SOCS6: variants seen among roughly 807,000 people sequenced by gnomAD.
The protein encoded by SOCS6 is STAT induced STAT inhibitor-4.
Under a neutral mutation model 27.7 loss-of-function variants are expected in SOCS6, and 5 were observed. The observed-to-expected ratio is 0.18, with a 90% CI of 0.09 to 0.38. The LOEUF is 0.38. SOCS6 is among the 10% of genes least tolerant of loss of function. The probability of loss-of-function intolerance (pLI) is 1.00; values close to 1 mark genes in which losing one functional copy is unlikely to be tolerated. For synonymous variants in SOCS6, 271 were observed against 260.0 expected, an observed-to-expected ratio of 1.04 and a Z score of -0.41; for missense variants, 595 against 688.1, an observed-to-expected ratio of 0.86 and a Z score of 1.51.
chr18:70,319,578 A>G, intron 1 of SOCS6, among the ~76,000 whole-genome samples: 1 of 145,346 alleles, frequency 6.9e-6, no homozygotes, highest in South Asian at 2.2e-4. Flanking sequence ...TAATAGTCGT[A>G]TGTTCTTTAG....
chr18:70,323,300 C>G (rs952030145), intron 1 of SOCS6, among the ~76,000 whole-genome samples: 2 of 152,026 alleles, frequency 1.3e-5, no homozygotes, highest in Admixed American at 6.5e-5. Flanking sequence ...AAACACAGGG[C>G]CTTTGTAAAG....
chr18:70,298,222 A>ACATCTTTGTT (rs977448662), intron 1 of SOCS6, among the ~76,000 whole-genome samples: 12 of 152,228 alleles, frequency 7.9e-5, no homozygotes, highest in African/African-American at 2.7e-4. Flanking sequence ...TAAAAACAAA[A>ACATCTTTGTT]CATCTTTGTT....
In SOCS6 at chr18:70,293,950, G is replaced by C. The variant is rs143255997; in HGVS notation, c.-127+4860G>C. Among the ~76,000 whole-genome samples, 1,266 of 152,162 alleles carry C rather than the reference G, an allele frequency of 8.3e-3. 20 individuals are homozygous for C. Among genetic ancestry groups the C allele is most frequent in the African/African-American group, 0.029 (1,193 of 41,520 alleles). The stretch of plus-strand genomic sequence containing the variant: ...TACTAAAAATACAAAAATTAGCTGG[G>C]CATGGTGGCACACACCTGTAGTCCC... On this transcript the variant is annotated intron_variant, in intron 1 of 1. Transcript: ENST00000397942.
At chr18:70,308,043 T>G (rs2062376393) in intron 1 of SOCS6, among the ~76,000 whole-genome samples, 1 of 152,352 alleles carries the variant, frequency 6.6e-6, no homozygotes, top group Admixed American at 6.5e-5. Context: ...AAATATTTAC[T>G]AACTTTTCCT....
At chr18:70,299,439 G>T (rs1189358499) in intron 1 of SOCS6, among the ~76,000 whole-genome samples, 1 of 152,174 alleles carries the variant, frequency 6.6e-6, no homozygotes, top group African/African-American at 2.4e-5. Context: ...GCCCTCCTAG[G>T]GTGGCCTCCT....
At chr18:70,321,142 T>C (rs1003725380) in intron 1 of SOCS6, among the ~76,000 whole-genome samples, 2 of 151,568 alleles carry the variant, frequency 1.3e-5, no homozygotes, top group African/African-American at 2.4e-5. Flanking sequence ...GGCGTGGTGG[T>C]GCGTGCCTAT....
chr18:70,291,973 T>A (rs2062301555), intron 1 of SOCS6, among the ~76,000 whole-genome samples: 1 of 152,204 alleles, frequency 6.6e-6, no homozygotes, highest in Admixed American at 6.5e-5. Flanking sequence ...TTTTTATGGG[T>A]AATTTATTAT....
intron 1 of SOCS6, among the ~76,000 whole-genome samples, chr18:70,291,245 C>T (rs1172469644): frequency 6.6e-6 from 1 of 152,122 alleles, no homozygotes; most frequent in African/African-American, 2.4e-5. Flanking sequence ...TAGCTTGGAC[C>T]ACAGACATGT....
chr18:70,311,184 C>T (rs1011367086), intron 1 of SOCS6, among the ~76,000 whole-genome samples: 5 of 152,114 alleles, frequency 3.3e-5, no homozygotes, highest in African/African-American at 1.2e-4. Context: ...AGATGTTCCC[C>T]AATGTATTCT....
At chr18:70,294,750 C>G (rs1360720566) in intron 1 of SOCS6, among the ~76,000 whole-genome samples, 1 of 152,170 alleles carries the variant, frequency 6.6e-6, no homozygotes, top group Non-Finnish European at 1.5e-5. Flanking sequence ...ATTGCCTGAC[C>G]TGGCTGTGGG....
chr18:70,323,397 C>T (rs570959236), intron 1 of SOCS6, among the ~76,000 whole-genome samples: 11 of 152,108 alleles, frequency 7.2e-5, no homozygotes, highest in Admixed American at 6.5e-4. Flanking sequence ...GAATTGAAAT[C>T]CTGTCATTTC....
intron 1 of SOCS6, among the ~76,000 whole-genome samples, chr18:70,318,528 G>C (rs1159426717): frequency 1.3e-5 from 2 of 152,040 alleles, no homozygotes; most frequent in African/African-American, 4.8e-5. Context: ...GTTGGAAAGA[G>C]TGGAAATACT....
At chr18:70,312,928 C>T (rs1043608819) in intron 1 of SOCS6, among the ~76,000 whole-genome samples, 2 of 151,920 alleles carry the variant, frequency 1.3e-5, no homozygotes, top group East Asian at 3.9e-4. Context: ...GCAAGTGCCA[C>T]GCGCCACCAT....
intron 1 of SOCS6, among the ~76,000 whole-genome samples, chr18:70,290,467 G>T (rs1195066127): frequency 6.6e-6 from 1 of 152,144 alleles, no homozygotes; most frequent in African/African-American, 2.4e-5. Flanking sequence ...ACAAAAACCG[G>T]AAAAAAAGTC....
chr18:70,313,584 C>T (rs2062399015), intron 1 of SOCS6, among the ~76,000 whole-genome samples: 1 of 152,162 alleles, frequency 6.6e-6, no homozygotes, highest in Admixed American at 6.5e-5. Flanking sequence ...GCTGGACCCA[C>T]TAGTCCCGAA....
chr18:70,321,135 G>A (rs1430998702), intron 1 of SOCS6, among the ~76,000 whole-genome samples: 3 of 151,594 alleles, frequency 2.0e-5, no homozygotes, highest in Non-Finnish European at 2.9e-5. Context: ...TTAGCCAGGC[G>A]TGGTGGTGCG....
At chr18:70,320,826 G>T (rs1170175363) in intron 1 of SOCS6, among the ~76,000 whole-genome samples, 2 of 152,192 alleles carry the variant, frequency 1.3e-5, no homozygotes, top group African/African-American at 4.8e-5. Context: ...AACAGATTCA[G>T]TGCAGAAGTA....
At chr18:70,295,418 A>G (rs901188715) in intron 1 of SOCS6, among the ~76,000 whole-genome samples, 2 of 152,218 alleles carry the variant, frequency 1.3e-5, no homozygotes, top group Non-Finnish European at 2.9e-5. Flanking sequence ...ATGCTTTGAA[A>G]GTCAGATGAA....
intron 1 of SOCS6, among the ~76,000 whole-genome samples, chr18:70,321,489 T>C (rs1011489802): frequency 4.2e-5 from 5 of 118,380 alleles, no homozygotes; most frequent in Non-Finnish European, 9.3e-5. Flanking sequence ...CCTGGCTATT[T>C]TTTTTTTTTT....
Sources: allele counts gnomAD v4.1 joint callset (sites outside exome capture counted in the v4.1 genomes callset), GRCh38; gene constraint gnomAD v4.1.1; transcripts MANE v1.5; gene names NCBI Gene and HGNC (gene_info 2026-07-23, HGNC 2026-07-21).